MORC1: variants seen among roughly 807,000 people sequenced by gnomAD.
MORC1 encodes MORC family CW-type zinc finger 1, also known as MORC family CW-type zinc finger protein 1.
In MORC1, 59 loss-of-function variants were observed where a neutral mutation model predicts 134.9. The ratio of observed to expected loss-of-function variants is 0.44; its 90% CI spans 0.35 to 0.54. The LOEUF is 0.54. Among genes scored for constraint, MORC1 ranks in the 20% least tolerant of loss-of-function variants. The pLI is 0.00. For synonymous variants in MORC1, 395 were observed against 391.7 expected (o/e 1.01, Z -0.10); for missense variants, 947 against 1,134.5 (o/e 0.83, Z 2.37).
intron 23 of MORC1, among the ~76,000 whole-genome samples, chr3:108,980,545 T>TA (rs768002435): frequency 3.3e-5 from 5 of 152,172 alleles, no homozygotes; most frequent in Admixed American, 6.5e-5. Context: ...GTGGTACCCT[T>TA]AAGGCAGGAA....
At chr3:109,000,009 A>C (rs1948355159) in intron 21 of MORC1, among the ~76,000 whole-genome samples, 1 of 152,196 alleles carries the variant, frequency 6.6e-6, no homozygotes, top group Non-Finnish European at 1.5e-5. Flanking sequence ...GGTTCAGTGA[A>C]GGCAAAGCAA....
At chr3:109,108,901 CAAAAA>C (rs11329896) in intron 3 of MORC1, among the ~76,000 whole-genome samples, 1 of 131,322 alleles carries the variant, frequency 7.6e-6, no homozygotes. Context: ...CTCCGTCTCA[CAAAAA>C]AAAAAAAAAA....
At chr3:109,104,824 A>G (rs1950992686) in intron 3 of MORC1, among the ~76,000 whole-genome samples, 1 of 151,798 alleles carries the variant, frequency 6.6e-6, no homozygotes, top group African/African-American at 2.4e-5. Context: ...ATTTATGCAC[A>G]ATAAACTGCA....
chr3:109,097,161 T>C (rs192348379), intron 6 of MORC1, among the ~76,000 whole-genome samples: 1 of 152,300 alleles, frequency 6.6e-6, no homozygotes, highest in East Asian at 1.9e-4. Flanking sequence ...AAGATTATTT[T>C]GACCTTCAAA....
chr3:109,015,753 A>T (rs1043234061), intron 17 of MORC1, among the ~76,000 whole-genome samples: 2 of 150,906 alleles, frequency 1.3e-5, no homozygotes, highest in Non-Finnish European at 3.0e-5. Flanking sequence ...TGAGAAAAAC[A>T]GTCCATCACA....
chr3:109,109,711 T>G (rs572537912), intron 3 of MORC1: 17 of 152,400 alleles, frequency 1.1e-4, no homozygotes, highest in Middle Eastern at 3.4e-3. Context: ...ACTGGTCACT[T>G]AGGGAAGAAT....
intron 14 of MORC1, among the ~76,000 whole-genome samples, chr3:109,044,333 C>T (rs544289986): frequency 7.3e-5 from 11 of 151,486 alleles, no homozygotes; most frequent in Non-Finnish European, 1.0e-4. Flanking sequence ...CTGAGGCGGG[C>T]GGATCGCGAG....
intron 4 of MORC1, among the ~76,000 whole-genome samples, chr3:109,102,129 A>T (rs1950939718): frequency 1.3e-5 from 2 of 152,220 alleles, no homozygotes; most frequent in South Asian, 4.1e-4. Context: ...AATGCGATAG[A>T]GAATTAACAG....
At chr3:109,063,261 GT>G (rs748878440) in intron 9 of MORC1, 30 bp from the exon 10 acceptor site, 2 of 1,374,628 alleles carry the variant, frequency 1.5e-6, no homozygotes, top group South Asian at 2.4e-5. Context: ...ACATAATCAA[GT>G]CAGATTATCA....
intron 11 of MORC1, 24 bp downstream of exon 11, chr3:109,061,964 G>C (rs369673470): frequency 2.5e-6 from 4 of 1,606,556 alleles, no homozygotes; most frequent in Non-Finnish European, 3.4e-6. Context: ...CATTTAATAA[G>C]ACTACTCTCT....
At chr3:109,115,318 G>A (rs28650106) in intron 1 of MORC1, among the ~76,000 whole-genome samples, 29,235 of 135,686 alleles carry the variant, frequency 0.22, 3,344 homozygotes, top group Middle Eastern at 0.36. Context: ...AGTTTAAAAT[G>A]TATTTTTAAA....
At chr3:109,020,342 T>C (rs1460592549) in intron 17 of MORC1, among the ~76,000 whole-genome samples, 1 of 152,190 alleles carries the variant, frequency 6.6e-6, no homozygotes, top group Non-Finnish European at 1.5e-5. Flanking sequence ...CGTCAGTTAG[T>C]TCTTCAGGAC....
chr3:109,118,106 C>T lies in MORC1; in HGVS notation c.-47G>A, dbSNP rs1168272970. 6.3e-7 allele frequency: 1 copy of T among 1,575,668 alleles called. No homozygotes were observed. The highest frequency in any genetic ancestry group is 1.2e-5 in the South Asian group (1 of 86,720). On this transcript the variant is annotated 5_prime_UTR_variant, in exon 1 of 28. Coordinates refer to ENST00000232603, the MANE Select transcript of MORC1 (RefSeq NM_014429.4). The stretch of plus-strand genomic sequence containing the variant: ...AACTCAAGGGGACAAGGACACCTGA[C>T]CGGCAGCCGTTCGCCTGCGCCCGCG...
intron 9 of MORC1, among the ~76,000 whole-genome samples, chr3:109,067,154 G>C (rs186546998): frequency 2.6e-5 from 4 of 152,282 alleles, no homozygotes; most frequent in African/African-American, 9.6e-5. Context: ...CGGTTCCTAT[G>C]AATGCACAGT....
intron 8 of MORC1, among the ~76,000 whole-genome samples, chr3:109,072,646 C>T (rs1950343062): frequency 6.6e-6 from 1 of 152,184 alleles, no homozygotes. Context: ...AATGCTACCA[C>T]TCTTTACAAA....
Position 109,040,528 on chromosome 3 carries a change from A to T in MORC1, c.1331-5060T>A, listed in dbSNP as rs969563653. Among the ~76,000 whole-genome samples the T allele has an allele frequency of 2.6e-5, 4 of 151,700 alleles. No individual in the cohort carries two copies. The East Asian group carries it at 7.7e-4, about 29-fold the overall frequency. ...GAAGGAAGGAAGAAAGAAACAAAGAAATAAAGAAAGAAAAAAGAAGGCCAG... is the reference window on the plus strand; with the variant it reads ...GAAGGAAGGAAGAAAGAAACAAAGATATAAAGAAAGAAAAAAGAAGGCCAG... On this transcript the variant is annotated intron_variant, in intron 14 of 27. Transcript: ENST00000232603.
At position 108,998,652 on chromosome 3, in the gene MORC1, C is replaced by T. The variant is rs180798332; in HGVS notation, c.2187+1905G>A. 2.0e-3 allele frequency among the ~76,000 whole-genome samples: 309 copies of T among 152,168 alleles called. 3 individuals carry two copies. The highest frequency in any genetic ancestry group is 7.0e-3 in the African/African-American group (290 of 41,512). ...GGATGGGATGATCTTTTTTTAATTT[C>T]TAGGTTTAAGAAAGTACAGACAGAC... On this transcript the variant is annotated intron_variant, in intron 21 of 27. Coordinates refer to ENST00000232603, the MANE Select transcript of MORC1 (RefSeq NM_014429.4).
chr3:109,006,197 G>T (rs1351490192), intron 18 of MORC1, among the ~76,000 whole-genome samples: 1 of 152,138 alleles, frequency 6.6e-6, no homozygotes, highest in Non-Finnish European at 1.5e-5. Flanking sequence ...TAGGTTCTAA[G>T]TCTGGTTCTG....
At chr3:109,015,760 C>CA (rs562141980) in intron 17 of MORC1, among the ~76,000 whole-genome samples, 93 of 147,536 alleles carry the variant, frequency 6.3e-4, no homozygotes, top group Middle Eastern at 3.5e-3. Flanking sequence ...AACAGTCCAT[C>CA]ACATCAGCTA....
Sources: gnomAD v4.1 joint callset for allele counts (sites outside exome capture counted in the v4.1 genomes callset) on GRCh38, gnomAD v4.1.1 for gene constraint, MANE v1.5 for transcripts, NCBI Gene and HGNC (gene_info 2026-07-23, HGNC 2026-07-21) for gene names.